The following USP10 variants were observed in gnomAD, a reference collection of about 807,000 sequenced individuals.
USP10 encodes ubiquitin carboxyl-terminal hydrolase 10.
In USP10, 22 loss-of-function variants were observed where a neutral mutation model predicts 84.5. The ratio of observed to expected loss-of-function variants is 0.26; its 90% confidence interval spans 0.19 to 0.37. The LOEUF (loss-of-function observed/expected upper bound fraction) is 0.37, where lower values mean the gene tolerates loss of function less well. Among genes scored for constraint, USP10 ranks in the 10% least tolerant of loss-of-function variants. USP10 has a pLI of 1.00. For missense variants in USP10, 1,019 were observed against 998.9 expected (o/e 1.02, Z -0.27); for synonymous variants, 454 against 387.6 (o/e 1.17, Z -2.01).
At chr16:84,718,238 C>G (rs189132261) in intron 1 of USP10, among the ~76,000 whole-genome samples, 2 of 152,262 alleles carry the variant, frequency 1.3e-5, no homozygotes, top group East Asian at 3.9e-4. Flanking sequence ...GAAGACATTT[C>G]TGAAGAGTTG....
intron 1 of USP10, among the ~76,000 whole-genome samples, chr16:84,701,200 G>C (rs1278452954): frequency 6.6e-6 from 1 of 152,068 alleles, no homozygotes; most frequent in Non-Finnish European, 1.5e-5. Context: ...CATGATTTTC[G>C]GAACTATTGT....
chr16:84,723,442 G>A (rs1490686039), intron 1 of USP10, among the ~76,000 whole-genome samples: 2 of 152,162 alleles, frequency 1.3e-5, no homozygotes, highest in Non-Finnish European at 2.9e-5. Flanking sequence ...CATCTCTGGT[G>A]ATAATAAAAA....
chr16:84,761,922 A>G (rs189742741), intron 8 of USP10, among the ~76,000 whole-genome samples: 4 of 152,266 alleles, frequency 2.6e-5, no homozygotes, highest in Admixed American at 1.3e-4. Flanking sequence ...TTTTCTGCAC[A>G]CGTGCAGAGC....
At chr16:84,706,912 A>G (rs984574657) in intron 1 of USP10, among the ~76,000 whole-genome samples, 4 of 145,304 alleles carry the variant, frequency 2.8e-5, no homozygotes, top group South Asian at 2.2e-4. Flanking sequence ...AGAAGGAGAA[A>G]CATATTTATT....
rs771061712 is a variant in USP10 at position 84,740,264 on chromosome 16, T to G, written c.91-45T>G. ...TTAATTAAATGGTAAGCGTTGGTTT[T>G]AACATTTTGTTGAATTAAAATTTGT... On this transcript the variant is annotated intron_variant, in intron 2 of 13. Coordinates refer to ENST00000219473, the MANE Select transcript of USP10 (RefSeq NM_005153.3). 3.2e-6 allele frequency: 5 copies of G among 1,577,634 alleles called. No homozygotes were observed. In the African/African-American group the frequency reaches 6.8e-5, roughly 21 times the overall value.
In USP10 at chr16:84,746,581, T is replaced by C. The variant is rs185637125; in HGVS notation, c.1192+908T>C. 2.8e-3 allele frequency among the ~76,000 whole-genome samples: 421 copies of C among 152,306 alleles called. 3 individuals are homozygous for C. The highest frequency in any genetic ancestry group is 5.0e-3 in the Non-Finnish European group (338 of 68,028). The stretch of plus-strand genomic sequence containing the variant: ...TAGAAAAAATATAGTACAGATATGG[T>C]ATAAAGGATGAAAAGTGCTTCACCT... On this transcript the variant is annotated intron_variant, in intron 4 of 13. Coordinates refer to ENST00000219473, the MANE Select transcript of USP10 (RefSeq NM_005153.3).
intron 1 of USP10, 109 bp from the exon 2 acceptor site, chr16:84,733,326 G>A (rs1292422433): frequency 1.2e-6 from 1 of 813,436 alleles, no homozygotes; most frequent in East Asian, 2.6e-5. Flanking sequence ...AGGATCTTGG[G>A]GGTTATGGCC....
Position 84,743,641 on chromosome 16 carries a change from T to C in USP10, c.152-992T>C, listed in dbSNP as rs140996352. On this transcript the variant is annotated intron_variant, in intron 3 of 13. Transcript: ENST00000219473. ...ATAAGGCATGTGTCCTTCCCTTAACTTCAAAATGTGTAACTTTTTATCAAA... is the reference window on the plus strand; with the variant it reads ...ATAAGGCATGTGTCCTTCCCTTAACCTCAAAATGTGTAACTTTTTATCAAA... Among the ~76,000 whole-genome samples, 54 of 152,362 alleles carry C rather than the reference T, an allele frequency of 3.5e-4. No homozygotes were observed. In the East Asian group the frequency reaches 0.01, roughly 28 times the overall value.
intron 1 of USP10, among the ~76,000 whole-genome samples, chr16:84,704,497 G>C (rs111286908): frequency 0.018 from 2,731 of 151,980 alleles, 37 homozygotes; most frequent in Middle Eastern, 0.041. Context: ...CCAGAGACTT[G>C]TATGTGCTTG....
intron 1 of USP10, 95 bp downstream of exon 1, chr16:84,700,206 G>C (rs909503371): frequency 9.9e-7 from 1 of 1,007,674 alleles, no homozygotes; most frequent in Non-Finnish European, 1.2e-6. Flanking sequence ...CCCGGAGCGA[G>C]CGTGTGGGAG....
intron 1 of USP10, among the ~76,000 whole-genome samples, chr16:84,709,597 G>A (rs1041435297): frequency 6.6e-6 from 1 of 152,084 alleles, no homozygotes; most frequent in Non-Finnish European, 1.5e-5. Flanking sequence ...ATCATTTAGG[G>A]CAGGGTCCTT....
chr16:84,760,297 A>G (rs773799623), intron 8 of USP10, 22 bp downstream of exon 8: 1 of 1,570,390 alleles, frequency 6.4e-7, no homozygotes, highest in Non-Finnish European at 8.7e-7. Flanking sequence ...CTCTGTTGTC[A>G]CTAGTATCAA....
At chr16:84,701,785 T>A (rs919558801) in intron 1 of USP10, among the ~76,000 whole-genome samples, 2 of 152,206 alleles carry the variant, frequency 1.3e-5, no homozygotes, top group Non-Finnish European at 2.9e-5. Context: ...GTTATACACA[T>A]CTTTAGAAAA....
At chr16:84,718,557 A>T (rs113294300) in intron 1 of USP10, among the ~76,000 whole-genome samples, 1 of 152,106 alleles carries the variant, frequency 6.6e-6, no homozygotes, top group Non-Finnish European at 1.5e-5. Context: ...GGAGTTCAAG[A>T]CCATCCTGGC....
At chr16:84,708,316 G>C (rs1905817985) in intron 1 of USP10, among the ~76,000 whole-genome samples, 7 of 152,120 alleles carry the variant, frequency 4.6e-5, no homozygotes, top group Admixed American at 4.6e-4. Flanking sequence ...CGAGTGTGGT[G>C]GCGGGCACCT....
intron 4 of USP10, among the ~76,000 whole-genome samples, chr16:84,756,428 C>T (rs1912552287): frequency 6.6e-6 from 1 of 152,050 alleles, no homozygotes; most frequent in Non-Finnish European, 1.5e-5. Flanking sequence ...TCCTGTCTCT[C>T]CTAAAAATAC....
Position 84,740,339 on chromosome 16 carries a change from G to C in USP10, c.121G>C (p.Gly41Arg). The part of the protein sequence containing the change: ...LPPYSGTVLC[G>R]TQAVDKLPDG... ...TCCATACAGTGGAACAGTTCTGTGT[G>C]GCACACAGGCTGTGGATAAACTACC... is the stretch of plus-strand genomic sequence containing the variant. The change falls in exon 3 of 14, where the codon GGC (glycine) becomes CGC (arginine). Residue 41 changes from glycine (G) to arginine (R), a missense_variant. Transcript: ENST00000219473. 1 of 1,612,928 alleles carries C rather than the reference G, an allele frequency of 6.2e-7. No individual in the cohort carries two copies. The highest frequency in any genetic ancestry group is 8.5e-7 in the Non-Finnish European group (1 of 1,179,274).
intron 1 of USP10, among the ~76,000 whole-genome samples, chr16:84,729,073 C>G (rs1908884815): frequency 6.6e-6 from 1 of 152,304 alleles, no homozygotes; most frequent in African/African-American, 2.4e-5. Context: ...GACGAGATTA[C>G]AAGCGTGAGC....
intron 1 of USP10, among the ~76,000 whole-genome samples, chr16:84,710,216 G>A (rs999087609): frequency 2.0e-5 from 3 of 150,974 alleles, no homozygotes; most frequent in African/African-American, 7.3e-5. Flanking sequence ...GTTGCAGTGA[G>A]CCAGACTGTG....
Sources: gnomAD v4.1 joint callset for allele counts (sites outside exome capture counted in the v4.1 genomes callset) on GRCh38, gnomAD v4.1.1 for gene constraint, MANE v1.5 for transcripts, NCBI Gene and HGNC (gene_info 2026-07-23, HGNC 2026-07-21) for gene names.